The following HEMK2 variants were observed in gnomAD, a reference collection of about 807,000 sequenced individuals.
HEMK2 encodes the protein HemK methyltransferase 2, ETF1 glutamine and histone H4 lysine, also known as methyltransferase HEMK2.
At chr21:28,586,212 CATT>C in the HEMK2 span, among the ~76,000 whole-genome samples, 1 of 152,168 alleles carries the variant, frequency 6.6e-6, no homozygotes, top group Non-Finnish European at 1.5e-5. Context: ...TGGAGCTAAA[CATT>C]ATGCATATGT....
At chr21:28,743,659 C>G in the HEMK2 span, among the ~76,000 whole-genome samples, 1 of 152,156 alleles carries the variant, frequency 6.6e-6, no homozygotes, top group African/African-American at 2.4e-5. Flanking sequence ...CTGGTTCAAA[C>G]AAGAGATCTT....
the HEMK2 span, among the ~76,000 whole-genome samples, chr21:28,863,407 CTTTTATATATATATATATAT>C: frequency 1.5e-3 from 102 of 66,464 alleles, no homozygotes; most frequent in African/African-American, 6.7e-3. Context: ...AATAAACTCC[CTTTTATATATATATATATAT>C]ATATATATAT....
the HEMK2 span, among the ~76,000 whole-genome samples, chr21:28,851,954 T>C: frequency 6.6e-5 from 10 of 152,212 alleles, no homozygotes; most frequent in African/African-American, 2.2e-4. Flanking sequence ...ATGTGTTAAT[T>C]TGCTCAAGCA....
chr21:28,769,206 C>T, the HEMK2 span, among the ~76,000 whole-genome samples: 2 of 151,994 alleles, frequency 1.3e-5, no homozygotes, highest in Non-Finnish European at 2.9e-5. Flanking sequence ...ACCTGGGACC[C>T]CCAGGTTTCA....
At chr21:28,731,221 C>T in the HEMK2 span, among the ~76,000 whole-genome samples, 2,248 of 152,086 alleles carry the variant, frequency 0.015, 47 homozygotes, top group African/African-American at 0.051. Context: ...CTCACAATAC[C>T]CTGTTTATAT....
At chr21:28,681,760 A>G in the HEMK2 span, among the ~76,000 whole-genome samples, 1 of 151,124 alleles carries the variant, frequency 6.6e-6, no homozygotes, top group Admixed American at 6.6e-5. Flanking sequence ...ATTTACAACT[A>G]TCTGATTTTT....
chr21:28,812,059 A>AT, the HEMK2 span, among the ~76,000 whole-genome samples: 16 of 152,348 alleles, frequency 1.1e-4, no homozygotes, highest in Admixed American at 8.5e-4. Context: ...AGATGTGGAG[A>AT]TAAAAACAGT....
the HEMK2 span, among the ~76,000 whole-genome samples, chr21:28,846,381 T>C: frequency 6.6e-6 from 1 of 152,206 alleles, no homozygotes; most frequent in Admixed American, 6.5e-5. Flanking sequence ...CACATTGCTT[T>C]CCACAATAGC....
At chr21:28,852,847 G>A in the HEMK2 span, among the ~76,000 whole-genome samples, 1 of 152,170 alleles carries the variant, frequency 6.6e-6, no homozygotes, top group Admixed American at 6.5e-5. Flanking sequence ...TGATTAATTA[G>A]CCAATGTCAG....
the HEMK2 span, among the ~76,000 whole-genome samples, chr21:28,845,608 T>C: frequency 6.6e-6 from 1 of 152,094 alleles, no homozygotes. Flanking sequence ...TAAGATTTTC[T>C]ATTTTTCTTT....
the HEMK2 span, among the ~76,000 whole-genome samples, chr21:28,754,211 G>A: frequency 6.6e-6 from 1 of 152,328 alleles, no homozygotes; most frequent in South Asian, 2.1e-4. Context: ...CCCGAGTGAA[G>A]AGAAGAATGG....
the HEMK2 span, among the ~76,000 whole-genome samples, chr21:28,870,614 T>C: frequency 6.6e-6 from 1 of 152,148 alleles, no homozygotes; most frequent in Non-Finnish European, 1.5e-5. Flanking sequence ...TTGGCCATGC[T>C]GGTCCCAAAC....
At chr21:28,850,753 G>C in the HEMK2 span, among the ~76,000 whole-genome samples, 1 of 152,130 alleles carries the variant, frequency 6.6e-6, no homozygotes, top group African/African-American at 2.4e-5. Context: ...GTTCTCTAGA[G>C]GGACAGAACT....
chr21:28,795,481 C>T, the HEMK2 span, among the ~76,000 whole-genome samples: 5 of 152,188 alleles, frequency 3.3e-5, no homozygotes, highest in African/African-American at 9.7e-5. Context: ...GAGTCACAAA[C>T]GACAAGGAAC....
the HEMK2 span, among the ~76,000 whole-genome samples, chr21:28,853,731 C>T: frequency 1.3e-5 from 2 of 152,188 alleles, no homozygotes; most frequent in African/African-American, 4.8e-5. Context: ...CTGAGAGCAG[C>T]ATGGGTTGGG....
chr21:28,870,297 G>A, the HEMK2 span, among the ~76,000 whole-genome samples: 1 of 152,232 alleles, frequency 6.6e-6, no homozygotes, highest in Admixed American at 6.5e-5. Context: ...GCATTAGTGT[G>A]GTATATCTGT....
the HEMK2 span, among the ~76,000 whole-genome samples, chr21:28,856,258 T>C: frequency 9.9e-5 from 15 of 151,886 alleles, no homozygotes; most frequent in Non-Finnish European, 2.9e-5. Flanking sequence ...CTACTAAAAT[T>C]ACAAAAATTA....
chr21:28,736,044 T>C, the HEMK2 span, among the ~76,000 whole-genome samples: 2 of 152,142 alleles, frequency 1.3e-5, no homozygotes, highest in African/African-American at 2.4e-5. Flanking sequence ...TACCTTTTGA[T>C]GGAAGGAGCT....
chr21:28,719,005 C>T, the HEMK2 span, among the ~76,000 whole-genome samples: 1 of 152,148 alleles, frequency 6.6e-6, no homozygotes, highest in Non-Finnish European at 1.5e-5. Flanking sequence ...CCCCACAAAG[C>T]CAGTCCCCAA....
Sources: gnomAD v4.1 joint callset for allele counts (sites outside exome capture counted in the v4.1 genomes callset) on GRCh38, gnomAD v4.1.1 for gene constraint, MANE v1.5 for transcripts, NCBI Gene and HGNC (gene_info 2026-07-23, HGNC 2026-07-21) for gene names.